Variants in GABRA4 observed in about 807,000 individuals in gnomAD.
GABRA4 encodes the protein gamma-aminobutyric acid receptor subunit alpha-4.
Under a neutral mutation model 49.7 loss-of-function variants are expected in GABRA4, and 12 were observed. The observed-to-expected ratio is 0.24, with a 90% CI of 0.15 to 0.39. The LOEUF is 0.39. GABRA4 is among the 10% of genes least tolerant of loss of function. GABRA4 has a pLI of 1.00. For missense variants in GABRA4, 506 were observed against 686.0 expected, an observed-to-expected ratio of 0.74 and a Z score of 2.93; for synonymous variants, 288 against 240.2, an observed-to-expected ratio of 1.20 and a Z score of -1.84.
intron 5 of GABRA4, among the ~76,000 whole-genome samples, chr4:46,976,038 G>A (rs187306166): frequency 8.6e-5 from 13 of 151,960 alleles, no homozygotes. Flanking sequence ...AGAATCTGAA[G>A]CAATAGTAAA....
intron 2 of GABRA4, among the ~76,000 whole-genome samples, chr4:46,983,873 T>G (rs1425064298): frequency 2.0e-5 from 3 of 152,144 alleles, no homozygotes; most frequent in East Asian, 1.9e-4. Flanking sequence ...AGGAATATAT[T>G]TTTTAATACC....
At chr4:46,945,121 A>G (rs1361625399) in intron 8 of GABRA4, among the ~76,000 whole-genome samples, 1 of 152,184 alleles carries the variant, frequency 6.6e-6, no homozygotes, top group Non-Finnish European at 1.5e-5. Flanking sequence ...AATCCACTTG[A>G]AAACCAGATG....
intron 8 of GABRA4, among the ~76,000 whole-genome samples, chr4:46,930,711 G>T (rs937847591): frequency 2.0e-5 from 3 of 151,388 alleles, no homozygotes; most frequent in African/African-American, 7.3e-5. Context: ...ATGACCTTTA[G>T]AAATCTGTAT....
chr4:46,940,703 A>T (rs1721759666), intron 8 of GABRA4, among the ~76,000 whole-genome samples: 3 of 152,082 alleles, frequency 2.0e-5, no homozygotes, highest in African/African-American at 7.2e-5. Context: ...GATTGGTAGC[A>T]CTTACATTGT....
chr4:46,924,359 A>AT lies in GABRA4; in HGVS notation c.*3865dup, dbSNP rs1274201572. 1.3e-5 allele frequency: 2 copies of AT among 152,116 alleles called. No individual in the cohort carries two copies. Among genetic ancestry groups the AT allele is most frequent in the Admixed American group, 6.6e-5 (1 of 15,254 alleles). The allele number at this position is 152,116 out of a possible 1,614,324, so 9.4% of individuals were successfully genotyped here. A position where few individuals can be genotyped will look rare whatever the true frequency, so the allele number is the denominator to read the frequency against. On this transcript the variant is annotated 3_prime_UTR_variant, in exon 9 of 9. Coordinates refer to ENST00000264318, the MANE Select transcript of GABRA4 (RefSeq NM_000809.4). ...GTCCCCATATATATTTGTGCCTGAG[A>AT]TGAGTATCACTCTAGTTTTGGCCCT...
intron 7 of GABRA4, among the ~76,000 whole-genome samples, chr4:46,967,618 C>G (rs1324161425): frequency 2.6e-5 from 4 of 151,586 alleles, no homozygotes; most frequent in Admixed American, 6.6e-5. Flanking sequence ...CAAACAGAAA[C>G]CAACTCTTCA....
At chr4:46,988,743 G>A (rs1050607832) in intron 2 of GABRA4, among the ~76,000 whole-genome samples, 1 of 152,162 alleles carries the variant, frequency 6.6e-6, no homozygotes, top group African/African-American at 2.4e-5. Flanking sequence ...ACTTAACTTA[G>A]TAGCAAGAAG....
At chr4:46,936,814 A>G (rs1721617631) in intron 8 of GABRA4, among the ~76,000 whole-genome samples, 1 of 152,194 alleles carries the variant, frequency 6.6e-6, no homozygotes, top group Admixed American at 6.5e-5. Context: ...CGATAGTGTC[A>G]CTTTTTTCCC....
At chr4:46,971,298 T>C in intron 6 of GABRA4, 63 bp from the exon 7 acceptor site, 11 of 1,443,442 alleles carry the variant, frequency 7.6e-6, no homozygotes, top group Non-Finnish European at 9.7e-6. Context: ...AATGGCTTCA[T>C]AAACATATTT....
chr4:46,932,075 C>G (rs1009069042), intron 8 of GABRA4, among the ~76,000 whole-genome samples: 1 of 151,992 alleles, frequency 6.6e-6, no homozygotes, highest in Non-Finnish European at 1.5e-5. Flanking sequence ...GAGGTGCTGC[C>G]AAGGGCTCGT....
rs1003484865 is a variant in GABRA4 at position 46,925,766 on chromosome 4, T to C, written c.*2459A>G. ...TTATTATTATTATTATTATCATCAT[T>C]ATTATCATTGTGTGCAAATGAAATA... On this transcript the variant is annotated 3_prime_UTR_variant, in exon 9 of 9. Transcript: ENST00000264318. The C allele has an allele frequency of 1.4e-5, 2 of 145,014 alleles. No individual in the cohort carries two copies. The highest frequency in any genetic ancestry group is 5.0e-5 in the African/African-American group (2 of 39,958). The allele number at this position is 145,014 out of a possible 1,614,324, so 9.0% of individuals were successfully genotyped here.
rs1371159555 is a variant in GABRA4 at position 46,922,083 on chromosome 4, A to T, written c.*6142T>A. Reference sequence around the variant, plus strand: ...CGAATAGTGGAATGTAGAGGTAAAGATAAAAATTCTGATAGACTATATTTG... The same window carrying T: ...CGAATAGTGGAATGTAGAGGTAAAGTTAAAAATTCTGATAGACTATATTTG... On this transcript the variant is annotated 3_prime_UTR_variant, in exon 9 of 9. Transcript: ENST00000264318. 1 of 152,172 alleles carries T rather than the reference A, an allele frequency of 6.6e-6. No homozygotes were observed. 9.4% of individuals were successfully genotyped at this position (152,172 alleles called of 1,614,324 possible). A position where few individuals can be genotyped will look rare whatever the true frequency, so the allele number is the denominator to read the frequency against.
intron 2 of GABRA4, among the ~76,000 whole-genome samples, chr4:46,986,752 A>G (rs748696603): frequency 1.3e-5 from 2 of 152,116 alleles, no homozygotes; most frequent in Non-Finnish European, 2.9e-5. Context: ...CAAATTGCTC[A>G]TCTATGCCCC....
chr4:46,943,875 G>A (rs561918834), intron 8 of GABRA4, among the ~76,000 whole-genome samples: 1 of 152,202 alleles, frequency 6.6e-6, no homozygotes, highest in East Asian at 1.9e-4. Context: ...AGATTGTGTA[G>A]TAGTCAAGTC....
At chr4:46,964,907 C>T in intron 8 of GABRA4, 63 bp downstream of exon 8, 1 of 1,479,840 alleles carries the variant, frequency 6.8e-7, no homozygotes, top group Non-Finnish European at 9.0e-7. Context: ...GTTTGTTTCC[C>T]TGACAAAATA....
chr4:46,963,318 C>T (rs762899860), intron 8 of GABRA4, among the ~76,000 whole-genome samples: 5 of 151,798 alleles, frequency 3.3e-5, no homozygotes, highest in Non-Finnish European at 5.9e-5. Flanking sequence ...GCTGTGTTCT[C>T]AGCCAAATCT....
intron 8 of GABRA4, among the ~76,000 whole-genome samples, chr4:46,943,399 C>T (rs779403113): frequency 2.1e-4 from 32 of 152,130 alleles, no homozygotes; most frequent in African/African-American, 3.1e-4. Flanking sequence ...TTTCACCTGG[C>T]TATTGCACAA....
At chr4:46,970,959 C>T (rs1348975061) in intron 7 of GABRA4, 124 bp downstream of exon 7, 1 of 855,242 alleles carries the variant, frequency 1.2e-6, no homozygotes, top group Non-Finnish European at 1.8e-6. Context: ...AAAATGAAAG[C>T]CATGTGATTC....
chr4:46,953,440 G>A (rs998471955), intron 8 of GABRA4, among the ~76,000 whole-genome samples: 2 of 152,108 alleles, frequency 1.3e-5, no homozygotes, highest in Non-Finnish European at 2.9e-5. Context: ...AACAGATGTT[G>A]TAAATAAGTA....
Sources: allele counts gnomAD v4.1 joint callset (sites outside exome capture counted in the v4.1 genomes callset), GRCh38; gene constraint gnomAD v4.1.1; transcripts MANE v1.5; gene names NCBI Gene and HGNC (gene_info 2026-07-23, HGNC 2026-07-21).